GRM3: variants seen among roughly 807,000 people sequenced by gnomAD.
The protein encoded by GRM3 is glutamate metabotropic receptor 3, also known as metabotropic glutamate receptor 3.
GRM3 carries 26 observed loss-of-function variants against 70.5 expected under a neutral mutation model. The observed-to-expected ratio is 0.37, with a 90% confidence interval of 0.27 to 0.51. GRM3 has a LOEUF of 0.51. Ranked by LOEUF, GRM3 falls within the 20% of genes least tolerant of loss-of-function variation. The pLI is 0.93. For missense variants in GRM3, 859 were observed against 1,123.8 expected, an observed-to-expected ratio of 0.76 and a Z score of 3.37; for synonymous variants, 443 against 434.9, an observed-to-expected ratio of 1.02 and a Z score of -0.23.
chr7:86,733,724 C>T (rs1380821180), intron 1 of GRM3, among the ~76,000 whole-genome samples: 2 of 152,112 alleles, frequency 1.3e-5, no homozygotes, highest in Non-Finnish European at 2.9e-5. Context: ...GAAAAACACT[C>T]GAAGAATCAT....
intron 1 of GRM3, among the ~76,000 whole-genome samples, chr7:86,733,473 A>T (rs1713671217): frequency 6.6e-6 from 1 of 152,108 alleles, no homozygotes; most frequent in African/African-American, 2.4e-5. Context: ...GGGCATGAAG[A>T]TAGGGAATAC....
intron 1 of GRM3, among the ~76,000 whole-genome samples, chr7:86,701,510 T>C (rs959714506): frequency 2.6e-5 from 4 of 151,948 alleles, no homozygotes; most frequent in Non-Finnish European, 5.9e-5. Flanking sequence ...GCTAAAACTG[T>C]TTCTCCCTTA....
At chr7:86,798,993 T>C (rs534836911) in intron 3 of GRM3, among the ~76,000 whole-genome samples, 54 of 152,290 alleles carry the variant, frequency 3.5e-4, no homozygotes, top group African/African-American at 1.1e-3. Context: ...ATAAATTACC[T>C]AGTCTTGGGT....
At chr7:86,832,598 C>T (rs760281763) in intron 3 of GRM3, among the ~76,000 whole-genome samples, 22 of 152,006 alleles carry the variant, frequency 1.4e-4, no homozygotes, top group Non-Finnish European at 2.5e-4. Context: ...GAATGCGAAC[C>T]CAAGCAGTGG....
At chr7:86,709,008 T>C (rs907036323) in intron 1 of GRM3, among the ~76,000 whole-genome samples, 1 of 152,056 alleles carries the variant, frequency 6.6e-6, no homozygotes, top group African/African-American at 2.4e-5. Flanking sequence ...AAAAAAGTTA[T>C]AGAGACTATT....
intron 3 of GRM3, among the ~76,000 whole-genome samples, chr7:86,812,565 A>G (rs1160592855): frequency 1.3e-5 from 2 of 151,772 alleles, no homozygotes; most frequent in African/African-American, 4.8e-5. Context: ...GTTCCAAGCC[A>G]CTGATGATCC....
intron 2 of GRM3, among the ~76,000 whole-genome samples, chr7:86,772,488 T>C (rs2282965): frequency 0.41 from 62,794 of 151,924 alleles, 15,929 homozygotes; most frequent in African/African-American, 0.73. Context: ...CCACAGATGC[T>C]TTGATTTGAG....
chr7:86,857,025 T>C (rs1798862988), intron 5 of GRM3, among the ~76,000 whole-genome samples: 2 of 152,142 alleles, frequency 1.3e-5, no homozygotes, highest in Non-Finnish European at 2.9e-5. Flanking sequence ...CAAAGGCTGC[T>C]ATATTGTTCC....
chr7:86,825,438 C>G (rs780526653), intron 3 of GRM3, among the ~76,000 whole-genome samples: 1 of 152,176 alleles, frequency 6.6e-6, no homozygotes, highest in Non-Finnish European at 1.5e-5. Context: ...GCAGCCTTTT[C>G]TGTGGAGACA....
intron 1 of GRM3, among the ~76,000 whole-genome samples, chr7:86,707,371 G>A (rs1326884320): frequency 6.6e-6 from 1 of 152,034 alleles, no homozygotes; most frequent in Non-Finnish European, 1.5e-5. Context: ...GGCGAATAAT[G>A]ATACCTCCTC....
intron 3 of GRM3, among the ~76,000 whole-genome samples, chr7:86,831,165 A>G (rs1376948687): frequency 6.6e-6 from 1 of 152,236 alleles, no homozygotes; most frequent in African/African-American, 2.4e-5. Flanking sequence ...CAATGGTTGT[A>G]GAAAGTAAGA....
chr7:86,739,630 A>G (rs1182567045), intron 1 of GRM3, among the ~76,000 whole-genome samples: 1 of 152,184 alleles, frequency 6.6e-6, no homozygotes, highest in African/African-American at 2.4e-5. Context: ...AGACTGCCCC[A>G]ATCTCCTTAA....
At position 86,644,781 on chromosome 7, in the gene GRM3, G is replaced by A; in HGVS notation, c.-232G>A. ...TACCTCTTTTGTGTCGGATGAGGAGGACCAACCATGAGCCAGAGCCCGGGT... is the reference window on the plus strand; with the variant it reads ...TACCTCTTTTGTGTCGGATGAGGAGAACCAACCATGAGCCAGAGCCCGGGT... On this transcript the variant is annotated 5_prime_UTR_variant, in exon 1 of 6. Coordinates refer to ENST00000361669, the MANE Select transcript of GRM3 (RefSeq NM_000840.3). 7.8e-7 allele frequency: 1 copy of A among 1,288,878 alleles called. No individual in the cohort carries two copies. Among genetic ancestry groups the A allele is most frequent in the Non-Finnish European group, 1.0e-6 (1 of 987,990 alleles). 79.8% of individuals were successfully genotyped at this position (1,288,878 alleles called of 1,614,324 possible).
At position 86,786,198 on chromosome 7, in the gene GRM3, A is replaced by G; in HGVS notation, c.469-63A>G. 1 of 1,420,290 alleles carries G rather than the reference A, an allele frequency of 7.0e-7. No homozygotes were observed. The highest frequency in any genetic ancestry group is 1.3e-5 in the South Asian group (1 of 75,862). 88.0% of individuals were successfully genotyped at this position (1,420,290 alleles called of 1,614,324 possible). Reference sequence around the variant, plus strand: ...GTAAAAGGTGTGGATGCTATTATTCATTTTCATGTCCAGTCATCTACCTCG... The same window carrying G: ...GTAAAAGGTGTGGATGCTATTATTCGTTTTCATGTCCAGTCATCTACCTCG... On this transcript the variant is annotated intron_variant, in intron 2 of 5. Coordinates refer to ENST00000361669, the MANE Select transcript of GRM3 (RefSeq NM_000840.3). The surrounding 1 kb of genome is among the most constrained non-coding windows in gnomAD (Gnocchi z 6.0).
chr7:86,722,725 A>C (rs960805361), intron 1 of GRM3, among the ~76,000 whole-genome samples: 1 of 152,078 alleles, frequency 6.6e-6, no homozygotes, highest in African/African-American at 2.4e-5. Context: ...CGTTCTGCAG[A>C]TGTATCCTAG....
intron 1 of GRM3, among the ~76,000 whole-genome samples, chr7:86,733,748 A>G (rs536950716): frequency 6.6e-6 from 1 of 152,322 alleles, no homozygotes; most frequent in East Asian, 1.9e-4. Flanking sequence ...CAGTTTCAAC[A>G]TGACTTTACC....
chr7:86,708,970 T>C (rs117918535), intron 1 of GRM3, among the ~76,000 whole-genome samples: 1 of 151,582 alleles, frequency 6.6e-6, no homozygotes, highest in Non-Finnish European at 1.5e-5. Flanking sequence ...CAAACAGAGT[T>C]AAAAAAAATC....
chr7:86,658,075 T>G (rs802443), intron 1 of GRM3, among the ~76,000 whole-genome samples: 103,526 of 152,038 alleles, frequency 0.68, 35,631 homozygotes, highest in East Asian at 0.88. Flanking sequence ...ATGTGGCTAT[T>G]ATTTGATTGC....
At chr7:86,706,028 C>T (rs1472985812) in intron 1 of GRM3, among the ~76,000 whole-genome samples, 10 of 92,598 alleles carry the variant, frequency 1.1e-4, no homozygotes, top group Non-Finnish European at 2.2e-4. Flanking sequence ...TAAAACTTGT[C>T]CTTTGTTTAT....
Sources: gnomAD v4.1 joint callset for allele counts (sites outside exome capture counted in the v4.1 genomes callset) on GRCh38, gnomAD v4.1.1 for gene constraint, Gnocchi (gnomAD v3.1) non-coding constraint, MANE v1.5 for transcripts, NCBI Gene and HGNC (gene_info 2026-07-23, HGNC 2026-07-21) for gene names.